Variants in PDE1C observed in about 807,000 individuals in gnomAD.
PDE1C encodes dual specificity calcium/calmodulin-dependent 3',5'-cyclic nucleotide phosphodiesterase 1C.
In PDE1C, 62 loss-of-function variants were observed where a neutral mutation model predicts 93.1. The observed-to-expected ratio is 0.67, with a 90% CI of 0.54 to 0.82. The LOEUF (loss-of-function observed/expected upper bound fraction) is 0.82, where lower values mean the gene tolerates loss of function less well. PDE1C is among the 40% of genes least tolerant of loss of function. The pLI is 0.00. For missense variants in PDE1C, 742 were observed against 884.6 expected (o/e 0.84, Z 2.04); for synonymous variants, 325 against 310.1 (o/e 1.05, Z -0.50).
intron 2 of PDE1C, among the ~76,000 whole-genome samples, chr7:32,190,542 G>A (rs1411134744): frequency 2.0e-4 from 30 of 152,342 alleles, no homozygotes; most frequent in Non-Finnish European, 2.9e-5. Context: ...TCTGAATTCT[G>A]TCTAGTAGAG....
chr7:32,322,518 C>T (rs2128073947), intron 1 of PDE1C, among the ~76,000 whole-genome samples: 1 of 152,318 alleles, frequency 6.6e-6, no homozygotes, highest in Middle Eastern at 3.4e-3. Context: ...GCAGGAGAAT[C>T]ACTTGAGCCC....
chr7:31,750,302 G>C (rs113317006), downstream of PDE1C, among the ~76,000 whole-genome samples: 1 of 23,354 alleles, frequency 4.3e-5, no homozygotes, highest in Non-Finnish European at 3.9e-3. Flanking sequence ...AGGAGGCCAA[G>C]GGCGTGGGGA....
chr7:31,920,763 G>T (rs760574767), intron 2 of PDE1C, among the ~76,000 whole-genome samples: 19 of 152,084 alleles, frequency 1.2e-4, no homozygotes, highest in Non-Finnish European at 2.2e-4. Flanking sequence ...CTCTTATTGA[G>T]CCCAACGTGA....
chr7:31,795,645 T>C (rs1785193067), intron 16 of PDE1C, among the ~76,000 whole-genome samples: 1 of 151,834 alleles, frequency 6.6e-6, no homozygotes, highest in Admixed American at 6.6e-5. Context: ...TACTTTTATT[T>C]GACATTTCTA....
intron 2 of PDE1C, among the ~76,000 whole-genome samples, chr7:32,046,327 C>G (rs1792562155): frequency 6.6e-6 from 1 of 151,994 alleles, no homozygotes; most frequent in Non-Finnish European, 1.5e-5. Flanking sequence ...CTTCAGTATG[C>G]CCATACTTTC....
In PDE1C at chr7:31,825,104, TTATGTACTGTATG is replaced by T. The variant is rs550740310; in HGVS notation, c.1286-130_1286-118del. On this transcript the variant is annotated intron_variant, in intron 12 of 17. Transcript: ENST00000396191. Reference sequence around the variant, plus strand: ...CAGATTAAAAGAGAATGGCTTGATCTTATGTACTGTATGTATTCCTTGATTTGAATATTACATG... The same window carrying T: ...CAGATTAAAAGAGAATGGCTTGATCTTATTCCTTGATTTGAATATTACATG... The T allele has an allele frequency of 1.8e-4, 231 of 1,294,346 alleles. 2 individuals carry two copies. The East Asian group carries it at 4.9e-3, about 28-fold the overall frequency. 80.2% of individuals were successfully genotyped at this position (1,294,346 alleles called of 1,614,324 possible). A position where few individuals can be genotyped will look rare whatever the true frequency, so the allele number is the denominator to read the frequency against.
chr7:31,913,355 ATGCTT>A (rs1414608659), intron 2 of PDE1C, among the ~76,000 whole-genome samples: 1 of 152,194 alleles, frequency 6.6e-6, no homozygotes, highest in Admixed American at 6.6e-5. Context: ...ATACGAGTTA[ATGCTT>A]TACGGAGGTT....
chr7:31,815,613 T>G (rs771195988), intron 15 of PDE1C, among the ~76,000 whole-genome samples: 7 of 151,928 alleles, frequency 4.6e-5, no homozygotes, highest in Non-Finnish European at 7.4e-5. Context: ...CACTTTACAC[T>G]CAGGAATGTG....
At chr7:32,244,753 T>C (rs1562613617) in intron 1 of PDE1C, among the ~76,000 whole-genome samples, 1 of 152,000 alleles carries the variant, frequency 6.6e-6, no homozygotes, top group African/African-American at 2.4e-5. Flanking sequence ...CATGGTGTTT[T>C]TAAAACATAT....
intron 1 of PDE1C, among the ~76,000 whole-genome samples, chr7:32,360,807 C>T (rs1185706360): frequency 2.6e-5 from 4 of 152,128 alleles, no homozygotes; most frequent in Admixed American, 2.0e-4. Context: ...CATAAAATTT[C>T]CCTGTCTAAA....
chr7:31,962,279 A>G (rs981892288), intron 2 of PDE1C, among the ~76,000 whole-genome samples: 3 of 152,200 alleles, frequency 2.0e-5, no homozygotes, highest in African/African-American at 7.2e-5. Flanking sequence ...AAGTGCTAAC[A>G]TCTTCCAAAA....
At position 32,096,856 on chromosome 7, in the gene PDE1C, TAGATAGAC is replaced by T. The variant is rs749788082; in HGVS notation, c.308+72921_308+72928del. On this transcript the variant is annotated intron_variant, in intron 3 of 18. Coordinates refer to the PDE1C transcript ENST00000396193. ...ATAGATAGATAGATAGATAGATAGA[TAGATAGAC>T]AGACAGATCAACAGTCAGCCATAAA... Among the ~76,000 whole-genome samples the T allele has an allele frequency of 1.9e-3, 281 of 151,626 alleles. 2 individuals are homozygous for T. Among genetic ancestry groups the T allele is most frequent in the South Asian group, 0.012 (55 of 4,762 alleles).
At chr7:32,291,230 T>G (rs1442256532) in intron 1 of PDE1C, among the ~76,000 whole-genome samples, 1 of 152,174 alleles carries the variant, frequency 6.6e-6, no homozygotes, top group Non-Finnish European at 1.5e-5. Flanking sequence ...GCAGTCAAAC[T>G]CCAGAATCCA....
the PDE1C span, among the ~76,000 whole-genome samples, chr7:31,714,702 G>A: frequency 1.6e-4 from 24 of 152,324 alleles, no homozygotes; most frequent in African/African-American, 5.3e-4. Flanking sequence ...ATGGATGGCC[G>A]CAGGCAAAGA....
intron 3 of PDE1C, among the ~76,000 whole-genome samples, chr7:32,162,907 T>C (rs1343399913): frequency 1.3e-5 from 2 of 152,106 alleles, no homozygotes. Flanking sequence ...CTACCTCATA[T>C]ATACTTGGTC....
At chr7:32,125,097 G>A (rs373142820) in intron 3 of PDE1C, among the ~76,000 whole-genome samples, 9 of 152,096 alleles carry the variant, frequency 5.9e-5, no homozygotes, top group African/African-American at 2.2e-4. Context: ...CATTTACATG[G>A]CCAACAAATA....
intron 1 of PDE1C, among the ~76,000 whole-genome samples, chr7:32,417,804 T>C (rs1315841647): frequency 1.3e-5 from 2 of 152,196 alleles, no homozygotes; most frequent in Admixed American, 1.3e-4. Flanking sequence ...TTCTTGATAT[T>C]GTAATTCTAT....
At chr7:31,930,453 C>T (rs1057134216) in intron 2 of PDE1C, among the ~76,000 whole-genome samples, 4 of 152,036 alleles carry the variant, frequency 2.6e-5, no homozygotes. Context: ...AGAGACACAA[C>T]AAAAAATGAA....
At chr7:32,267,586 A>ACTCTCTCTCTCTCTCTCTCTCTCT (rs57210713) in intron 1 of PDE1C, among the ~76,000 whole-genome samples, 7 of 117,610 alleles carry the variant, frequency 6.0e-5, no homozygotes, top group African/African-American at 2.4e-4. Context: ...ACACACACAC[A>ACTCTCTCTCTCTCTCTCTCTCTCT]CTCTCTCTCT....
Sources: allele counts gnomAD v4.1 joint callset (sites outside exome capture counted in the v4.1 genomes callset), GRCh38; gene constraint gnomAD v4.1.1; transcripts MANE v1.5; gene names NCBI Gene and HGNC (gene_info 2026-07-23, HGNC 2026-07-21).